TMEM154: variants seen among roughly 807,000 people sequenced by gnomAD.
TMEM154 encodes transmembrane protein 154.
TMEM154 carries 27 observed loss-of-function variants against 24.5 expected under a neutral mutation model. That is an observed-to-expected ratio of 1.10 (90% CI 0.81 to 1.52). TMEM154 has a LOEUF of 1.52. TMEM154 is among the 40% of genes most tolerant of loss of function. The probability of loss-of-function intolerance (pLI) is 0.00; values close to 1 mark genes in which losing one functional copy is unlikely to be tolerated. For synonymous variants in TMEM154, 67 were observed against 76.8 expected (o/e 0.87, Z 0.67); for missense variants, 228 against 213.4 (o/e 1.07, Z -0.43).
At chr4:152,676,857 C>A (rs551520134) in intron 1 of TMEM154, among the ~76,000 whole-genome samples, 1 of 152,264 alleles carries the variant, frequency 6.6e-6, no homozygotes, top group South Asian at 2.1e-4. Context: ...GTTTGGCCAC[C>A]AAAACAGTCA....
At chr4:152,659,358 G>A (rs1728550974) in intron 1 of TMEM154, among the ~76,000 whole-genome samples, 1 of 152,140 alleles carries the variant, frequency 6.6e-6, no homozygotes, top group African/African-American at 2.4e-5. Flanking sequence ...TCAGAGGCTG[G>A]GAAGGGTGTG....
chr4:152,625,130 C>A lies in TMEM154; in HGVS notation c.*3416G>T, dbSNP rs1013006117. 6.6e-6 allele frequency: 1 copy of A among 152,100 alleles called. No individual in the cohort carries two copies. The highest frequency in any genetic ancestry group is 2.4e-5 in the African/African-American group (1 of 41,410). 9.4% of individuals were successfully genotyped at this position (152,100 alleles called of 1,614,324 possible). ...GATGGTGTGAATTAATAGTTTAAAC[C>A]ACCAAAATAAAAGAATAGACAAGTA... is the stretch of plus-strand genomic sequence containing the variant. On this transcript the variant is annotated 3_prime_UTR_variant, in exon 7 of 7. Transcript: ENST00000304385.
At chr4:152,645,473 T>C (rs1752343402) in intron 3 of TMEM154, among the ~76,000 whole-genome samples, 1 of 152,226 alleles carries the variant, frequency 6.6e-6, no homozygotes, top group African/African-American at 2.4e-5. Context: ...ATGTCCCAGC[T>C]GAAGCCCTGT....
intron 6 of TMEM154, among the ~76,000 whole-genome samples, chr4:152,632,603 C>T (rs1057394583): frequency 3.9e-5 from 6 of 152,278 alleles, no homozygotes; most frequent in Admixed American, 2.0e-4. Flanking sequence ...CCTCTCCATT[C>T]GTTTAAGTCT....
chr4:152,625,896 C>G lies in TMEM154; in HGVS notation c.*2650G>C, dbSNP rs1264039554. 1 of 152,060 alleles carries G rather than the reference C, an allele frequency of 6.6e-6. No individual in the cohort carries two copies. Among genetic ancestry groups the G allele is most frequent in the Non-Finnish European group, 1.5e-5 (1 of 68,008 alleles). The allele number at this position is 152,060 out of a possible 1,614,324, so 9.4% of individuals were successfully genotyped here. ...TAAAAAATAAAATAAAATAATTTTA[C>G]AGCTTTTGGTTCTCCTGTATTATAC... On this transcript the variant is annotated 3_prime_UTR_variant, in exon 7 of 7. Coordinates refer to ENST00000304385, the MANE Select transcript of TMEM154 (RefSeq NM_152680.3).
intron 1 of TMEM154, 155 bp downstream of exon 1, chr4:152,679,715 C>A (rs566895203): frequency 1.9e-6 from 1 of 523,778 alleles, no homozygotes; most frequent in African/African-American, 2.1e-5. Context: ...TCCATCCCAC[C>A]CCCCAAAAAA....
chr4:152,646,366 C>A (rs1005830906), intron 3 of TMEM154, among the ~76,000 whole-genome samples: 1 of 152,214 alleles, frequency 6.6e-6, no homozygotes, highest in Admixed American at 6.5e-5. Context: ...AAAAAGCTTT[C>A]TACGGCCTCA....
chr4:152,654,695 G>A (rs1728457040), intron 1 of TMEM154, among the ~76,000 whole-genome samples: 4 of 152,262 alleles, frequency 2.6e-5, no homozygotes, highest in South Asian at 2.1e-4. Context: ...ATGTGGATAC[G>A]GAAAGGTGGT....
At chr4:152,646,985 C>T in intron 3 of TMEM154, 2 of 709,754 alleles carry the variant, frequency 2.8e-6, no homozygotes, top group Middle Eastern at 2.3e-4. Flanking sequence ...AATTTCATAC[C>T]AGGAGGTCTA....
chr4:152,655,920 C>A (rs2149785656), intron 1 of TMEM154, among the ~76,000 whole-genome samples: 1 of 152,290 alleles, frequency 6.6e-6, no homozygotes, highest in Non-Finnish European at 1.5e-5. Flanking sequence ...ACCAGAGAGT[C>A]AAAGAACAGG....
At position 152,641,045 on chromosome 4, in the gene TMEM154, A is replaced by G. The variant is rs1210783789; in HGVS notation, c.479-60T>C. On this transcript the variant is annotated intron_variant, in intron 5 of 6. Coordinates refer to ENST00000304385, the MANE Select transcript of TMEM154 (RefSeq NM_152680.3). Reference sequence around the variant, plus strand: ...ACTGAAATCGTATTTTCTATCCACAAACCTGATACAGTTAAATACCATAGT... The same window carrying G: ...ACTGAAATCGTATTTTCTATCCACAGACCTGATACAGTTAAATACCATAGT... 6 of 1,513,964 alleles carry G rather than the reference A, an allele frequency of 4.0e-6. No homozygotes were observed. The East Asian group carries it at 9.2e-5, about 23-fold the overall frequency. 93.8% of individuals were successfully genotyped at this position (1,513,964 alleles called of 1,614,324 possible).
Position 152,628,618 on chromosome 4 carries a change from A to G in TMEM154, c.537-57T>C, listed in dbSNP as rs546109673. ...CAAAAAAAACACACACACACACACA[A>G]AACAGTAATATATTTCTTTCTTTTT... On this transcript the variant is annotated intron_variant, in intron 6 of 6. Transcript: ENST00000304385. 16 of 1,215,632 alleles carry G rather than the reference A, an allele frequency of 1.3e-5. No individual in the cohort carries two copies. In the African/African-American group the frequency reaches 2.7e-4, roughly 21 times the overall value. 75.3% of individuals were successfully genotyped at this position (1,215,632 alleles called of 1,614,324 possible).
At chr4:152,655,454 C>G (rs1053554525) in intron 1 of TMEM154, among the ~76,000 whole-genome samples, 16 of 152,210 alleles carry the variant, frequency 1.1e-4, no homozygotes, top group Non-Finnish European at 2.4e-4. Flanking sequence ...CCCCTGAGCC[C>G]TAGTGGCTGC....
At chr4:152,640,863 C>G in intron 6 of TMEM154, 65 bp downstream of exon 6, 1 of 1,388,926 alleles carries the variant, frequency 7.2e-7, no homozygotes, top group Non-Finnish European at 1.0e-6. Context: ...AAGTGTTCCA[C>G]CCTGGTTCCC....
rs1417178655 is a variant in TMEM154, at chr4:152,624,567, C to T, written c.*3979G>A. 1 of 151,928 alleles carries T rather than the reference C, an allele frequency of 6.6e-6. No individual in the cohort carries two copies. Among genetic ancestry groups the T allele is most frequent in the Non-Finnish European group, 1.5e-5 (1 of 68,002 alleles). 9.4% of individuals were successfully genotyped at this position (151,928 alleles called of 1,614,324 possible). A position where few individuals can be genotyped will look rare whatever the true frequency, so the allele number is the denominator to read the frequency against. ...AGTGAGCCATAATCACACCATTGCA[C>T]TCCAGCCTGGGCATCAGCATGAGAC... On this transcript the variant is annotated 3_prime_UTR_variant, in exon 7 of 7. Coordinates refer to ENST00000304385, the MANE Select transcript of TMEM154 (RefSeq NM_152680.3).
rs192738532 is a variant in TMEM154 at position 152,653,891 on chromosome 4, T to C, written c.65-964A>G. Among the ~76,000 whole-genome samples the C allele has an allele frequency of 1.8e-3, 267 of 151,258 alleles. 3 individuals carry two copies. In the South Asian group the frequency reaches 0.026, roughly 15 times the overall value. On this transcript the variant is annotated intron_variant, in intron 1 of 6. Transcript: ENST00000304385. ...CTGTCTTTACTAAAAATACAAAAATTAGCTGGGCGTGGTGGTGCATGCCTA... is the reference window on the plus strand; with the variant it reads ...CTGTCTTTACTAAAAATACAAAAATCAGCTGGGCGTGGTGGTGCATGCCTA...
intron 6 of TMEM154, among the ~76,000 whole-genome samples, chr4:152,631,399 CTTA>C (rs1424640397): frequency 1.3e-5 from 2 of 152,118 alleles, no homozygotes; most frequent in East Asian, 3.8e-4. Flanking sequence ...TGCTGAATTG[CTTA>C]TTAATAGTCT....
intron 1 of TMEM154, among the ~76,000 whole-genome samples, chr4:152,656,488 T>C (rs1321795110): frequency 2.0e-5 from 3 of 152,164 alleles, no homozygotes; most frequent in Non-Finnish European, 4.4e-5. Context: ...CAGATACTAC[T>C]GGCACTGGTT....
chr4:152,667,787 C>A (rs1258494086), intron 1 of TMEM154, among the ~76,000 whole-genome samples: 2 of 152,196 alleles, frequency 1.3e-5, no homozygotes, highest in African/African-American at 4.8e-5. Context: ...GGTGATGATG[C>A]CTTGCATCGA....
Sources: allele counts gnomAD v4.1 joint callset (sites outside exome capture counted in the v4.1 genomes callset), GRCh38; gene constraint gnomAD v4.1.1; transcripts MANE v1.5; gene names NCBI Gene and HGNC (gene_info 2026-07-23, HGNC 2026-07-21).